The following KCNIP4 variants were observed in gnomAD, a reference collection of about 807,000 sequenced individuals.
The protein encoded by KCNIP4 is potassium voltage-gated channel interacting protein 4, also known as Kv channel-interacting protein 4.
KCNIP4 carries 12 observed loss-of-function variants against 34.0 expected under a neutral mutation model. The observed-to-expected ratio is 0.35, with a 90% CI of 0.23 to 0.57. The LOEUF (loss-of-function observed/expected upper bound fraction) is 0.57, where lower values mean the gene tolerates loss of function less well. Among genes scored for constraint, KCNIP4 ranks in the 20% least tolerant of loss-of-function variants. KCNIP4 has a pLI of 0.83. For synonymous variants in KCNIP4, 124 were observed against 102.2 expected (o/e 1.21, Z -1.29); for missense variants, 238 against 311.7 (o/e 0.76, Z 1.78).
chr4:21,546,511 T>G (rs150156143), intron 1 of KCNIP4, among the ~76,000 whole-genome samples: 5 of 152,272 alleles, frequency 3.3e-5, no homozygotes, highest in African/African-American at 7.2e-5. Context: ...TTGTATATTC[T>G]TTTTCCTCTC....
intron 1 of KCNIP4, among the ~76,000 whole-genome samples, chr4:20,993,027 C>CAA (rs11416440): frequency 0.019 from 761 of 40,810 alleles, 27 homozygotes; most frequent in African/African-American, 0.027. Context: ...GACTCCATCT[C>CAA]AAAAAAAAAA....
intron 1 of KCNIP4, among the ~76,000 whole-genome samples, chr4:21,074,525 T>C (rs1745295507): frequency 6.6e-6 from 1 of 152,196 alleles, no homozygotes; most frequent in Non-Finnish European, 1.5e-5. Flanking sequence ...GATCCTTCTC[T>C]CTTTTCTTCT....
chr4:21,324,397 T>C (rs754955511), intron 1 of KCNIP4, among the ~76,000 whole-genome samples: 10 of 152,062 alleles, frequency 6.6e-5, no homozygotes, highest in Non-Finnish European at 1.2e-4. Flanking sequence ...GATTTAAGTA[T>C]TTAATCCATT....
At chr4:21,555,349 G>C (rs1738925392) in intron 1 of KCNIP4, among the ~76,000 whole-genome samples, 1 of 152,080 alleles carries the variant, frequency 6.6e-6, no homozygotes, top group Non-Finnish European at 1.5e-5. Flanking sequence ...AATAAAATCT[G>C]TGAACCATCC....
intron 1 of KCNIP4, among the ~76,000 whole-genome samples, chr4:21,513,284 T>G (rs913558394): frequency 6.6e-6 from 1 of 152,210 alleles, no homozygotes; most frequent in African/African-American, 2.4e-5. Flanking sequence ...ACCTTTACTA[T>G]TCCAGAAGAC....
intron 1 of KCNIP4, among the ~76,000 whole-genome samples, chr4:21,623,129 A>T (rs1745098167): frequency 6.6e-6 from 1 of 152,190 alleles, no homozygotes; most frequent in Admixed American, 6.5e-5. Flanking sequence ...CTTAATTTGA[A>T]ATCATAATAT....
Position 21,108,336 on chromosome 4 carries a change from A to T in KCNIP4, c.62-225627T>A, listed in dbSNP as rs1415789893. On this transcript the variant is annotated intron_variant, in intron 1 of 8. Coordinates refer to ENST00000382152, the MANE Select transcript of KCNIP4 (RefSeq NM_025221.6). ...TTCTCTAAACTTCCCTTCTCGCTTC[A>T]TTTCATTCATTTCATCTTCCATCAC... Among the ~76,000 whole-genome samples, 2 of 148,374 alleles carry T rather than the reference A, an allele frequency of 1.3e-5. 1 individual carries two copies. The highest frequency in any genetic ancestry group is 5.2e-5 in the African/African-American group (2 of 38,816).
At chr4:21,435,775 C>G (rs778752291) in intron 1 of KCNIP4, among the ~76,000 whole-genome samples, 3 of 152,068 alleles carry the variant, frequency 2.0e-5, no homozygotes, top group Non-Finnish European at 4.4e-5. Context: ...AAAGCCAATT[C>G]TTAACCGCAG....
chr4:21,454,621 C>T (rs537223535), intron 1 of KCNIP4, among the ~76,000 whole-genome samples: 1 of 152,122 alleles, frequency 6.6e-6, no homozygotes, highest in Non-Finnish European at 1.5e-5. Flanking sequence ...ATAACTCACC[C>T]AATATTAAGA....
At chr4:21,583,285 C>T (rs1176827465) in intron 1 of KCNIP4, among the ~76,000 whole-genome samples, 1 of 151,866 alleles carries the variant, frequency 6.6e-6, no homozygotes, top group South Asian at 2.1e-4. Flanking sequence ...GAGTTCAAGG[C>T]CAACTCAACT....
intron 1 of KCNIP4, among the ~76,000 whole-genome samples, chr4:21,654,497 GTTTTTTT>G (rs74402567): frequency 1.4e-5 from 2 of 144,382 alleles, no homozygotes; most frequent in African/African-American, 5.1e-5. Flanking sequence ...TGATTAAAAT[GTTTTTTT>G]TTTTTATCTA....
At chr4:21,361,198 T>A (rs1021455817) in intron 1 of KCNIP4, among the ~76,000 whole-genome samples, 2 of 152,106 alleles carry the variant, frequency 1.3e-5, no homozygotes, top group African/African-American at 4.8e-5. Context: ...GTCAGTTGTC[T>A]TGGTTGGTGA....
intron 3 of KCNIP4, among the ~76,000 whole-genome samples, chr4:20,841,521 C>T (rs184814361): frequency 2.2e-4 from 34 of 152,236 alleles, no homozygotes; most frequent in Middle Eastern, 3.4e-3. Context: ...GTGAGTCCTC[C>T]TCAGTTTCCC....
At chr4:20,886,761 T>C (rs1261450382) in intron 1 of KCNIP4, among the ~76,000 whole-genome samples, 2 of 152,142 alleles carry the variant, frequency 1.3e-5, no homozygotes, top group African/African-American at 2.4e-5. Flanking sequence ...TAACAAAGAA[T>C]AGACCTAAAG....
intron 3 of KCNIP4, among the ~76,000 whole-genome samples, chr4:20,794,775 T>C (rs1044924157): frequency 6.6e-6 from 1 of 152,230 alleles, no homozygotes; most frequent in African/African-American, 2.4e-5. Context: ...CATAGGCATA[T>C]AAGTGTGGCT....
At chr4:21,552,665 A>C (rs2109018155) in intron 1 of KCNIP4, among the ~76,000 whole-genome samples, 1 of 152,270 alleles carries the variant, frequency 6.6e-6, no homozygotes, top group East Asian at 1.9e-4. Context: ...AGGAGGATGT[A>C]GAGAACAGAT....
intron 1 of KCNIP4, among the ~76,000 whole-genome samples, chr4:21,916,534 G>A (rs1355352174): frequency 6.6e-6 from 1 of 152,152 alleles, no homozygotes; most frequent in Admixed American, 6.6e-5. Flanking sequence ...AGTTTCAACA[G>A]AAGCAATCAA....
At chr4:21,833,663 G>T (rs1056858609) in intron 1 of KCNIP4, among the ~76,000 whole-genome samples, 5 of 151,984 alleles carry the variant, frequency 3.3e-5, no homozygotes, top group African/African-American at 1.2e-4. Context: ...CGAAGTCCTT[G>T]CCCATGCCTA....
At chr4:21,726,785 C>A (rs781342223) in intron 1 of KCNIP4, among the ~76,000 whole-genome samples, 1 of 152,002 alleles carries the variant, frequency 6.6e-6, no homozygotes, top group Non-Finnish European at 1.5e-5. Context: ...GCACAGTGCC[C>A]GACACAAAGT....
Sources: allele counts gnomAD v4.1 joint callset (sites outside exome capture counted in the v4.1 genomes callset), GRCh38; gene constraint gnomAD v4.1.1; transcripts MANE v1.5; gene names NCBI Gene and HGNC (gene_info 2026-07-23, HGNC 2026-07-21).